HHIP: variants seen among roughly 807,000 people sequenced by gnomAD.
HHIP encodes hedgehog-interacting protein.
Under a neutral mutation model 74.0 loss-of-function variants are expected in HHIP, and 12 were observed. The ratio of observed to expected loss-of-function variants is 0.16; its 90% CI spans 0.10 to 0.26. HHIP has a LOEUF of 0.26. HHIP is among the 10% of genes least tolerant of loss of function. The pLI, the probability that HHIP is intolerant of heterozygous loss-of-function variation, is 1.00. For missense variants in HHIP, 788 were observed against 845.0 expected (o/e 0.93, Z 0.84); for synonymous variants, 309 against 311.6 (o/e 0.99, Z 0.09).
At chr4:144,678,467 G>A (rs565379018) in intron 4 of HHIP, among the ~76,000 whole-genome samples, 5 of 152,128 alleles carry the variant, frequency 3.3e-5, no homozygotes, top group East Asian at 1.9e-4. Flanking sequence ...AGGTATACAC[G>A]TTCCATGGTG....
intron 4 of HHIP, among the ~76,000 whole-genome samples, chr4:144,701,387 T>C (rs1274315390): frequency 1.2e-4 from 18 of 152,026 alleles, no homozygotes; most frequent in Admixed American, 3.9e-4. Context: ...AAATTAATCT[T>C]TGTGTCAGAA....
intron 4 of HHIP, among the ~76,000 whole-genome samples, chr4:144,668,709 G>A (rs962328183): frequency 1.3e-5 from 2 of 152,070 alleles, no homozygotes; most frequent in Non-Finnish European, 2.9e-5. Flanking sequence ...CCGAGATCAC[G>A]CCACTGCACT....
At chr4:144,674,155 C>G (rs967984135) in intron 4 of HHIP, among the ~76,000 whole-genome samples, 1 of 152,150 alleles carries the variant, frequency 6.6e-6, no homozygotes, top group Non-Finnish European at 1.5e-5. Context: ...TATGCCTCAT[C>G]CCCTGTTATT....
At chr4:144,653,460 C>A (rs975136729) in intron 2 of HHIP, among the ~76,000 whole-genome samples, 3 of 152,010 alleles carry the variant, frequency 2.0e-5, no homozygotes, top group Non-Finnish European at 4.4e-5. Flanking sequence ...ATGAACATGC[C>A]TAGTCACTAT....
chr4:144,733,168 C>T (rs1005213424), intron 11 of HHIP, among the ~76,000 whole-genome samples: 2 of 152,126 alleles, frequency 1.3e-5, no homozygotes, highest in African/African-American at 4.8e-5. Flanking sequence ...CCCAGAAAGA[C>T]ACTTTTGAGG....
At position 144,646,466 on chromosome 4, in the gene HHIP, C is replaced by A; in HGVS notation, c.-210C>A. 1 of 504,968 alleles carries A rather than the reference C, an allele frequency of 2.0e-6. No homozygotes were observed. Among genetic ancestry groups the A allele is most frequent in the South Asian group, 3.6e-5 (1 of 27,994 alleles). The allele number at this position is 504,968 out of a possible 1,614,324, so 31.3% of individuals were successfully genotyped here. On this transcript the variant is annotated 5_prime_UTR_variant, in exon 1 of 13. Coordinates refer to ENST00000296575, the MANE Select transcript of HHIP (RefSeq NM_022475.3). ...GCACAACTTTATCTCGCTCCTCGGG[C>A]TCCCCTAAGGCATTGGACCCATCGC...
rs924408122 is a variant in HHIP, at chr4:144,738,528, T to G, written c.*571T>G. ...ACAGAATGCTACACACTTACCTTTT[T>G]ATTGGCTGAGAAATCTGGTTATTTC... is the stretch of plus-strand genomic sequence containing the variant. On this transcript the variant is annotated 3_prime_UTR_variant, in exon 13 of 13. Transcript: ENST00000296575. The G allele has an allele frequency of 2.6e-5, 25 of 956,146 alleles. No individual in the cohort carries two copies. The highest frequency in any genetic ancestry group is 2.9e-5 in the Non-Finnish European group (23 of 803,076). The allele number at this position is 956,146 out of a possible 1,614,324, so 59.2% of individuals were successfully genotyped here. A position where few individuals can be genotyped will look rare whatever the true frequency, so the allele number is the denominator to read the frequency against.
At position 144,658,923 on chromosome 4, in the gene HHIP, T is replaced by C. The variant is rs766035927; in HGVS notation, c.606T>C (p.Tyr202=). Residue 202 remains tyrosine (Y), a synonymous_variant, in exon 3 of 13, where the codon TAT becomes TAC. Transcript: ENST00000296575. ...ACTACTTGGACCAGATGGAAGAATA[T>C]GACAAAGTGGAAGAGATCAGCAGGT... ...ASNYLDQMEE[Y]DKVEEISRKH... is the part of the protein sequence containing the mutation. 2.3e-5 allele frequency: 37 copies of C among 1,612,584 alleles called. 1 individual carries two copies. The South Asian group carries it at 3.6e-4, about 16-fold the overall frequency.
chr4:144,646,502 A>AT lies in HHIP; in HGVS notation c.-168dup, dbSNP rs1264484916. On this transcript the variant is annotated 5_prime_UTR_variant, in exon 1 of 13. It introduces an in-frame stop codon into an upstream open reading frame of the 5' UTR. Transcript: ENST00000296575. The stretch of plus-strand genomic sequence containing the variant: ...CATTGGACCCATCGCCGCGTCTTTT[A>AT]TTTTTTGCAAAGTTGCATCGCTGTA... 14 of 614,654 alleles carry AT rather than the reference A, an allele frequency of 2.3e-5. No homozygotes were observed. The highest frequency in any genetic ancestry group is 3.7e-5 in the Non-Finnish European group (13 of 355,774). The allele number at this position is 614,654 out of a possible 1,614,324, so 38.1% of individuals were successfully genotyped here.
intron 11 of HHIP, among the ~76,000 whole-genome samples, chr4:144,723,390 T>C (rs935836046): frequency 6.6e-6 from 1 of 152,176 alleles, no homozygotes; most frequent in African/African-American, 2.4e-5. Flanking sequence ...TTTCTTAATA[T>C]CTTCATCCTA....
chr4:144,684,670 T>C (rs940788847), intron 4 of HHIP, among the ~76,000 whole-genome samples: 2 of 152,212 alleles, frequency 1.3e-5, no homozygotes, highest in Non-Finnish European at 2.9e-5. Flanking sequence ...CATATTTATC[T>C]AAATACACAT....
chr4:144,727,721 G>GAAATA (rs1379527342), intron 11 of HHIP, among the ~76,000 whole-genome samples: 1 of 152,096 alleles, frequency 6.6e-6, no homozygotes, highest in African/African-American at 2.4e-5. Flanking sequence ...ATTTCCCATG[G>GAAATA]AAATATATGC....
At chr4:144,656,296 C>T (rs904363884) in intron 2 of HHIP, among the ~76,000 whole-genome samples, 3 of 152,142 alleles carry the variant, frequency 2.0e-5, no homozygotes, top group Admixed American at 2.0e-4. Context: ...GTCTAAATTA[C>T]ATAAGAAGCT....
At chr4:144,662,648 GCCA>G (rs1002685924) in intron 4 of HHIP, among the ~76,000 whole-genome samples, 1 of 152,152 alleles carries the variant, frequency 6.6e-6, no homozygotes, top group Admixed American at 6.5e-5. Context: ...TGAAGAATGG[GCCA>G]CATGTCAAAC....
intron 11 of HHIP, among the ~76,000 whole-genome samples, chr4:144,730,694 GTA>G (rs1156502186): frequency 6.6e-6 from 1 of 152,096 alleles, no homozygotes; most frequent in Non-Finnish European, 1.5e-5. Context: ...TAGTACTTAA[GTA>G]TATGTAAGAT....
intron 11 of HHIP, among the ~76,000 whole-genome samples, chr4:144,731,278 A>G (rs1273220492): frequency 2.0e-5 from 3 of 152,188 alleles, no homozygotes; most frequent in African/African-American, 7.2e-5. Context: ...ATTTCTATTA[A>G]CCATCTTCCA....
chr4:144,647,109 T>C (rs1207846502), intron 1 of HHIP, 155 bp downstream of exon 1: 1 of 624,654 alleles, frequency 1.6e-6, no homozygotes, highest in African/African-American at 1.8e-5. Flanking sequence ...GATTCCGTTG[T>C]GTGTTCCTCT....
intron 11 of HHIP, among the ~76,000 whole-genome samples, chr4:144,726,535 AATT>A (rs1165994786): frequency 5.9e-5 from 9 of 152,218 alleles, no homozygotes; most frequent in Non-Finnish European, 1.2e-4. Context: ...TAAATTGCCA[AATT>A]AATGATCCAG....
In HHIP at chr4:144,711,889, C is replaced by T; in HGVS notation, c.1302-61C>T. 5 of 1,540,612 alleles carry T rather than the reference C, an allele frequency of 3.2e-6. No homozygotes were observed. In the South Asian group the frequency reaches 6.1e-5, roughly 19 times the overall value. Reference sequence around the variant, plus strand: ...GGGCTCCTTCCTATGTCAGGAATCTCCAGTCTGAGCTTGGAAAAGATCACG... The same window carrying T: ...GGGCTCCTTCCTATGTCAGGAATCTTCAGTCTGAGCTTGGAAAAGATCACG... On this transcript the variant is annotated intron_variant, in intron 7 of 12. Transcript: ENST00000296575.
Sources: gnomAD v4.1 joint callset for allele counts (sites outside exome capture counted in the v4.1 genomes callset) on GRCh38, gnomAD v4.1.1 for gene constraint, MANE v1.5 for transcripts, NCBI Gene and HGNC (gene_info 2026-07-23, HGNC 2026-07-21) for gene names.